The following SLC24A2 variants were observed in gnomAD, a reference collection of about 807,000 sequenced individuals.
SLC24A2 encodes sodium/potassium/calcium exchanger 2.
Under a neutral mutation model 62.0 loss-of-function variants are expected in SLC24A2, and 36 were observed. The ratio of observed to expected loss-of-function variants is 0.58; its 90% confidence interval spans 0.44 to 0.77. The LOEUF (loss-of-function observed/expected upper bound fraction) is 0.77. Among genes scored for constraint, SLC24A2 ranks in the 30% least tolerant of loss-of-function variants. The probability of loss-of-function intolerance (pLI) is 0.00; values close to 1 mark genes in which losing one functional copy is unlikely to be tolerated. For missense variants in SLC24A2, 846 were observed against 817.9 expected (o/e 1.03, Z -0.42); for synonymous variants, 358 against 294.0 (o/e 1.22, Z -2.23).
the SLC24A2 span, among the ~76,000 whole-genome samples, chr9:19,993,399 C>A: frequency 6.6e-6 from 1 of 152,118 alleles, no homozygotes; most frequent in African/African-American, 2.4e-5. Context: ...TAAATCTTTC[C>A]TCTAAACCAC....
the SLC24A2 span, among the ~76,000 whole-genome samples, chr9:20,284,828 G>A: frequency 6.6e-6 from 1 of 152,066 alleles, no homozygotes; most frequent in African/African-American, 2.4e-5. Context: ...CTAGCAAATA[G>A]AAACAAAAGG....
the SLC24A2 span, among the ~76,000 whole-genome samples, chr9:20,302,264 G>A: frequency 6.6e-6 from 1 of 152,150 alleles, no homozygotes; most frequent in Non-Finnish European, 1.5e-5. Flanking sequence ...TTGCTGGGCT[G>A]TATGGTAAGC....
chr9:19,750,217 C>A (rs947621436), intron 2 of SLC24A2, among the ~76,000 whole-genome samples: 2 of 152,088 alleles, frequency 1.3e-5, no homozygotes, highest in African/African-American at 2.4e-5. Context: ...CTGGGAATAC[C>A]AGAAAGGCCC....
chr9:20,132,834 A>G, the SLC24A2 span, among the ~76,000 whole-genome samples: 2 of 152,164 alleles, frequency 1.3e-5, no homozygotes, highest in Non-Finnish European at 2.9e-5. Flanking sequence ...CTCAAAAAAT[A>G]TAGCTTTTAC....
chr9:20,077,981 G>C, the SLC24A2 span, among the ~76,000 whole-genome samples: 1 of 152,182 alleles, frequency 6.6e-6, no homozygotes, highest in Non-Finnish European at 1.5e-5. Flanking sequence ...AAGAGAATAT[G>C]TAGGGAATGT....
At chr9:19,665,037 C>T (rs1176777942) in intron 2 of SLC24A2, among the ~76,000 whole-genome samples, 5 of 152,176 alleles carry the variant, frequency 3.3e-5, no homozygotes, top group Non-Finnish European at 2.9e-5. Context: ...AGGATACCTC[C>T]TCTTCCTCAT....
chr9:19,633,456 T>C (rs776440470), intron 2 of SLC24A2, among the ~76,000 whole-genome samples: 3 of 152,266 alleles, frequency 2.0e-5, no homozygotes, highest in Admixed American at 1.3e-4. Context: ...CTAGTAGCAA[T>C]TGATATGATC....
In SLC24A2 at chr9:19,665,116, C is replaced by T. The variant is rs150877154; in HGVS notation, c.931-42817G>A. 7.8e-3 allele frequency among the ~76,000 whole-genome samples: 1,180 copies of T among 152,244 alleles called. 7 individuals are homozygous for T. Among genetic ancestry groups the T allele is most frequent in the South Asian group, 0.04 (191 of 4,820 alleles). Reference sequence around the variant, plus strand: ...CCCTCACTCTTACCAGTAAGATCCGCCTGCTCTTGAGGAAAGCCGGTGAGA... The same window carrying T: ...CCCTCACTCTTACCAGTAAGATCCGTCTGCTCTTGAGGAAAGCCGGTGAGA... On this transcript the variant is annotated intron_variant, in intron 2 of 10. Transcript: ENST00000341998.
chr9:19,546,732 T>G, intron 8 of SLC24A2, among the ~76,000 whole-genome samples: 1 of 147,390 alleles, frequency 6.8e-6, no homozygotes, highest in South Asian at 2.1e-4. Context: ...CACTGAGGTA[T>G]GGGAAAAAAA....
At chr9:19,545,949 T>C (rs977541992) in intron 8 of SLC24A2, among the ~76,000 whole-genome samples, 1 of 152,214 alleles carries the variant, frequency 6.6e-6, no homozygotes, top group African/African-American at 2.4e-5. Context: ...GTTTTCCTTC[T>C]AACAGGACCC....
chr9:20,121,070 G>A, the SLC24A2 span, among the ~76,000 whole-genome samples: 1 of 147,260 alleles, frequency 6.8e-6, no homozygotes, highest in South Asian at 2.2e-4. Flanking sequence ...CCCCAACTTT[G>A]TTGTTCTTTC....
the SLC24A2 span, among the ~76,000 whole-genome samples, chr9:20,027,364 G>A: frequency 1.3e-5 from 2 of 152,122 alleles, no homozygotes; most frequent in African/African-American, 2.4e-5. Flanking sequence ...GTTTACTGCA[G>A]CATTATTCAC....
the SLC24A2 span, among the ~76,000 whole-genome samples, chr9:19,993,510 TA>T: frequency 6.6e-6 from 1 of 152,186 alleles, no homozygotes; most frequent in African/African-American, 2.4e-5. Flanking sequence ...GCTTACACCA[TA>T]AACTAGAAAG....
At chr9:20,219,015 G>C in the SLC24A2 span, among the ~76,000 whole-genome samples, 3 of 152,210 alleles carry the variant, frequency 2.0e-5, no homozygotes, top group African/African-American at 4.8e-5. Context: ...TCAGAGGATT[G>C]AGAAAGGACA....
the SLC24A2 span, among the ~76,000 whole-genome samples, chr9:19,802,962 T>C: frequency 6.6e-5 from 10 of 152,298 alleles, no homozygotes; most frequent in East Asian, 1.9e-3. Flanking sequence ...GGGAGCTTCT[T>C]TGCCTCTTCC....
At chr9:20,112,395 T>C in the SLC24A2 span, among the ~76,000 whole-genome samples, 2 of 152,216 alleles carry the variant, frequency 1.3e-5, no homozygotes, top group African/African-American at 2.4e-5. Context: ...ATGTGCTATG[T>C]ATGCAGATAG....
At chr9:20,109,373 T>C in the SLC24A2 span, among the ~76,000 whole-genome samples, 3 of 152,214 alleles carry the variant, frequency 2.0e-5, no homozygotes, top group Admixed American at 6.5e-5. Flanking sequence ...ATCTAGGGAC[T>C]TGAATTTCAG....
chr9:20,154,749 G>A, the SLC24A2 span, among the ~76,000 whole-genome samples: 1 of 151,604 alleles, frequency 6.6e-6, no homozygotes, highest in Non-Finnish European at 1.5e-5. Context: ...AAGCCCAGAG[G>A]TACAGTGATC....
chr9:20,073,862 G>A, the SLC24A2 span, among the ~76,000 whole-genome samples: 2 of 129,666 alleles, frequency 1.5e-5, no homozygotes, highest in African/African-American at 5.9e-5. Flanking sequence ...ATATTTGTGT[G>A]TGTATATGTG....
Sources: gnomAD v4.1 joint callset for allele counts (sites outside exome capture counted in the v4.1 genomes callset) on GRCh38, gnomAD v4.1.1 for gene constraint, MANE v1.5 for transcripts, NCBI Gene and HGNC (gene_info 2026-07-23, HGNC 2026-07-21) for gene names.